Variants in ERAP2 observed in about 807,000 individuals in gnomAD.
The protein encoded by ERAP2 is leukocyte-derived arginine aminopeptidase.
A neutral mutation model predicts 111.1 loss-of-function variants in ERAP2; 118 were observed. That is an observed-to-expected ratio of 1.06 (90% CI 0.92 to 1.24). ERAP2 has a LOEUF of 1.24. Ranked by LOEUF, ERAP2 falls within the 50% of genes most tolerant of loss-of-function variation. ERAP2 has a pLI of 0.00. For synonymous variants in ERAP2, 410 were observed against 401.2 expected, an observed-to-expected ratio of 1.02 and a Z score of -0.26; for missense variants, 1,131 against 1,125.8, an observed-to-expected ratio of 1.00 and a Z score of -0.07.
intron 5 of ERAP2, among the ~76,000 whole-genome samples, chr5:96,891,317 C>G (rs965188124): frequency 6.6e-6 from 1 of 150,994 alleles, no homozygotes; most frequent in Non-Finnish European, 1.5e-5. Context: ...GGATAGTAAA[C>G]CATGCGCATA....
At chr5:96,880,891 C>G (rs1248841441) in intron 2 of ERAP2, 1 of 160,008 alleles carries the variant, frequency 6.2e-6, no homozygotes, top group Non-Finnish European at 1.4e-5. Context: ...TGAAATAAAA[C>G]AAGGTGCAAG....
Position 96,879,831 on chromosome 5 carries a change from A to T in ERAP2, c.146A>T (p.Asp49Val), listed in dbSNP as rs2151112801. Reference sequence around the variant, plus strand: ...CCATCTAGTTATCACTTCACTGAGGATCCTGGGGCTTTCCCAGTAGCCACT... The same window carrying T: ...CCATCTAGTTATCACTTCACTGAGGTTCCTGGGGCTTTCCCAGTAGCCACT... ...SVPSSYHFTE[D>V]PGAFPVATNG... Residue 49 changes from aspartate to valine, a missense_variant, in exon 2 of 19, where the codon GAT (aspartate) becomes GTT (valine). By Grantham distance (152) the Asp-to-Val change is radical. Transcript: ENST00000437043. The T allele has an allele frequency of 6.2e-7, 1 of 1,614,110 alleles. No individual in the cohort carries two copies. The highest frequency in any genetic ancestry group is 8.5e-7 in the Non-Finnish European group (1 of 1,180,020).
rs1293858338 is a variant in ERAP2 at position 96,908,980 on chromosome 5, G to A, written c.2032G>A (p.Asp678Asn). The A allele has an allele frequency of 4.3e-6, 7 of 1,614,100 alleles. No homozygotes were observed. Among genetic ancestry groups the A allele is most frequent in the Non-Finnish European group, 5.9e-6 (7 of 1,180,004 alleles). The part of the protein sequence containing the change: ...QLVGAGRLTL[D>N]KALDMTYYLQ... ...CTTCAGTGCAGGGAGACTGACCCTA[G>A]ACAAAGCTCTTGACATGACTTACTA... The change falls in exon 14 of 19, where the codon GAC (aspartate) becomes AAC (asparagine). Residue 678 changes from aspartate to asparagine, a missense_variant. Physicochemically the swap from Asp to Asn is conservative, Grantham distance 23. Coordinates refer to ENST00000437043, the MANE Select transcript of ERAP2 (RefSeq NM_022350.5).
intron 1 of ERAP2, among the ~76,000 whole-genome samples, chr5:96,879,051 C>T (rs1047398805): frequency 1.3e-5 from 2 of 151,892 alleles, no homozygotes; most frequent in Admixed American, 6.6e-5. Flanking sequence ...ACAGGGAGAC[C>T]CCCATCTCTA....
intron 11 of ERAP2, 57 bp downstream of exon 11, chr5:96,901,738 C>T (rs1377737614): frequency 1.4e-5 from 21 of 1,548,446 alleles, no homozygotes; most frequent in Non-Finnish European, 1.8e-5. Context: ...CTCGTTATTT[C>T]CTTAGCTTTC....
chr5:96,900,164 C>T lies in ERAP2; in HGVS notation c.1547C>T (p.Ser516Leu), dbSNP rs755807198. Reference protein sequence around the residue: ...SDFTSGGVCHSDPKMTSNMLA... With the variant: ...SDFTSGGVCHLDPKMTSNMLA... Reference sequence around the variant, plus strand: ...TTTACATCTGGTGGAGTTTGTCATTCGGATCCCAAGATGACAAGTAACATG... The same window carrying T: ...TTTACATCTGGTGGAGTTTGTCATTTGGATCCCAAGATGACAAGTAACATG... The change falls in exon 10 of 19, where the codon TCG becomes TTG. Residue 516 changes from serine to leucine, a missense_variant. By Grantham distance (145) the Ser-to-Leu change is moderately radical (BLOSUM62 -2). This residue lies in a region of ERAP2 where 847 missense variants were observed against 856.5 expected (regional missense o/e 0.99). Transcript: ENST00000437043. 1.2e-5 allele frequency: 20 copies of T among 1,613,592 alleles called. No individual in the cohort carries two copies. Among genetic ancestry groups the T allele is most frequent in the South Asian group, 4.4e-5 (4 of 91,072 alleles).
At chr5:96,913,700 C>T (rs542217345) in intron 17 of ERAP2, among the ~76,000 whole-genome samples, 5 of 152,330 alleles carry the variant, frequency 3.3e-5, no homozygotes, top group Admixed American at 1.3e-4. Flanking sequence ...AAACCACTGG[C>T]ATCAAGTCCG....
intron 1 of ERAP2, among the ~76,000 whole-genome samples, chr5:96,878,864 G>A (rs1782843543): frequency 6.6e-6 from 1 of 152,172 alleles, no homozygotes; most frequent in Non-Finnish European, 1.5e-5. Context: ...AGAGGCAGAG[G>A]TTGCAGTGAG....
chr5:96,905,700 A>T (rs1316257655), intron 13 of ERAP2, among the ~76,000 whole-genome samples: 1 of 152,160 alleles, frequency 6.6e-6, no homozygotes, highest in African/African-American at 2.4e-5. Flanking sequence ...CCTGGGCAAC[A>T]TAGTGAAACC....
chr5:96,908,715 A>G (rs1327572982), intron 13 of ERAP2, among the ~76,000 whole-genome samples: 1 of 152,216 alleles, frequency 6.6e-6, no homozygotes, highest in Non-Finnish European at 1.5e-5. Flanking sequence ...TAATCCTCAC[A>G]ACAAGCCTAT....
intron 5 of ERAP2, among the ~76,000 whole-genome samples, chr5:96,890,856 C>G (rs995852550): frequency 1.3e-4 from 19 of 151,982 alleles, no homozygotes; most frequent in African/African-American, 4.6e-4. Context: ...TACTTTAGAT[C>G]AAAAGTCAAG....
At chr5:96,912,220 A>G (rs1199329004) in intron 15 of ERAP2, among the ~76,000 whole-genome samples, 2 of 151,482 alleles carry the variant, frequency 1.3e-5, no homozygotes, top group African/African-American at 4.8e-5. Flanking sequence ...GAAAAGAAAA[A>G]AATGCCTTCA....
chr5:96,881,800 A>G (rs1307054621), intron 2 of ERAP2, among the ~76,000 whole-genome samples: 3 of 152,206 alleles, frequency 2.0e-5, no homozygotes, highest in Non-Finnish European at 2.9e-5. Flanking sequence ...GCAAAAAGAA[A>G]CATTCCACTT....
rs980451461 is a variant in ERAP2 at position 96,918,932 on chromosome 5, C to T, written c.*1327C>T. On this transcript the variant is annotated 3_prime_UTR_variant, in exon 19 of 19. Coordinates refer to ENST00000437043, the MANE Select transcript of ERAP2 (RefSeq NM_022350.5). ...GCTTCTTGCTCTCTGAAATGCCCTG[C>T]TAAATGCTTCTCTTAATTATTTGAA... 6.6e-6 allele frequency: 1 copy of T among 152,138 alleles called. No individual in the cohort carries two copies. The highest frequency in any genetic ancestry group is 6.5e-5 in the Admixed American group (1 of 15,278). The allele number at this position is 152,138 out of a possible 1,614,324, so 9.4% of individuals were successfully genotyped here. A position where few individuals can be genotyped will look rare whatever the true frequency, so the allele number is the denominator to read the frequency against.
At chr5:96,898,572 C>CAAAAAAAAAA (rs770783071) in intron 9 of ERAP2, among the ~76,000 whole-genome samples, 10 of 94,396 alleles carry the variant, frequency 1.1e-4, no homozygotes, top group South Asian at 3.6e-4. Flanking sequence ...TACTAAAATA[C>CAAAAAAAAAA]AAAAAAAAAA....
chr5:96,881,327 T>C (rs751578103), intron 2 of ERAP2: 14 of 439,206 alleles, frequency 3.2e-5, no homozygotes, highest in Non-Finnish European at 6.4e-5. Flanking sequence ...GCAGTGCTTA[T>C]GGAGTGAAAC....
chr5:96,901,376 C>A, intron 10 of ERAP2, 130 bp from the exon 11 acceptor site: 1 of 1,010,686 alleles, frequency 9.9e-7, no homozygotes, highest in Non-Finnish European at 1.5e-6. Flanking sequence ...TTACCCTTCC[C>A]TGAGATACCA....
chr5:96,909,894 C>G, intron 15 of ERAP2, 130 bp downstream of exon 15: 1 of 835,752 alleles, frequency 1.2e-6, no homozygotes, highest in South Asian at 1.8e-5. Flanking sequence ...ATTACAAACC[C>G]TGTTTCATGC....
intron 1 of ERAP2, among the ~76,000 whole-genome samples, 192 bp downstream of exon 1, chr5:96,876,719 C>T (rs1010789271): frequency 6.6e-6 from 1 of 152,108 alleles, no homozygotes; most frequent in Non-Finnish European, 1.5e-5. Flanking sequence ...TGATCTAAGA[C>T]GCTGCTGCAC....
Sources: gnomAD v4.1 joint callset for allele counts (sites outside exome capture counted in the v4.1 genomes callset) on GRCh38, gnomAD v4.1.1 for gene constraint, gnomAD v4.1.1 regional missense constraint, MANE v1.5 for transcripts, NCBI Gene and HGNC (gene_info 2026-07-23, HGNC 2026-07-21) for gene names.